Variants in PLA2G6 observed in about 807,000 individuals in gnomAD.
PLA2G6 encodes the protein phospholipase A2 group VI.
A neutral mutation model predicts 83.8 loss-of-function variants in PLA2G6; 62 were observed. The observed-to-expected ratio is 0.74, with a 90% CI of 0.60 to 0.91. The LOEUF is 0.91. Ranked by LOEUF, PLA2G6 falls within the 40% of genes least tolerant of loss-of-function variation. The pLI is 0.00. For synonymous variants in PLA2G6, 417 were observed against 449.8 expected, an observed-to-expected ratio of 0.93 and a Z score of 0.92; for missense variants, 944 against 1,102.0, an observed-to-expected ratio of 0.86 and a Z score of 2.03.
Position 38,163,576 on chromosome 22 carries a change from T to C in PLA2G6, c.209+5642A>G, listed in dbSNP as rs866826304. ...CAAGAGGGGCTGTGTCTTGGCCACA[T>C]GGGGGGTGCTGAGGCTCTGAGTGGG... On this transcript the variant is annotated intron_variant, in intron 2 of 16. Coordinates refer to ENST00000332509, the MANE Select transcript of PLA2G6 (RefSeq NM_003560.4). 1.2e-4 allele frequency: 21 copies of C among 169,448 alleles called. No homozygotes were observed. In the Middle Eastern group the frequency reaches 8.8e-3, roughly 71 times the overall value. The allele number at this position is 169,448 out of a possible 1,614,324, so 10.5% of individuals were successfully genotyped here.
chr22:38,166,024 G>A (rs371291783), intron 2 of PLA2G6, among the ~76,000 whole-genome samples: 13 of 152,226 alleles, frequency 8.5e-5, no homozygotes, highest in East Asian at 1.9e-4. Flanking sequence ...GGCCACAGCC[G>A]GAGCAGCAGG....
In PLA2G6 at chr22:38,126,369, A is replaced by G. The variant is rs1352483031; in HGVS notation, c.1427+2T>C. On this transcript the variant is annotated splice_donor_variant, in intron 10 of 16. Coordinates refer to ENST00000332509, the MANE Select transcript of PLA2G6 (RefSeq NM_003560.4). LOFTEE classifies it high-confidence loss of function. ...CTCTGCCCCCGATCTCGATCCACTT[A>G]CGTCCGCTTCTCGTCCCTCATGGAG... The G allele has an allele frequency of 6.2e-7, 1 of 1,611,342 alleles. No individual in the cohort carries two copies. Among genetic ancestry groups the G allele is most frequent in the African/African-American group, 1.3e-5 (1 of 74,962 alleles).
chr22:38,140,022 C>A lies in PLA2G6; in HGVS notation c.757G>T (p.Gly253Cys). 1 of 1,610,648 alleles carries A rather than the reference C, an allele frequency of 6.2e-7. No homozygotes were observed. Among genetic ancestry groups the A allele is most frequent in the East Asian group, 2.2e-5 (1 of 44,820 alleles). Residue 253 changes from glycine (G) to cysteine (C), a missense_variant, in exon 5 of 17, where the codon GGC becomes TGC. Physicochemically the swap from Gly to Cys is radical, Grantham distance 159. Transcript: ENST00000332509. ...TTCATGGCCGAGTGGATGGGGTAGC[C>A]GTTGGGGCCCATGATGTTGCACCGA... Reference protein sequence around the residue: ...NARCNIMGPNGYPIHSAMKFS... With the variant: ...NARCNIMGPNCYPIHSAMKFS...
At chr22:38,172,425 C>T (rs2090470373) in intron 1 of PLA2G6, among the ~76,000 whole-genome samples, 1 of 152,234 alleles carries the variant, frequency 6.6e-6, no homozygotes, top group Admixed American at 6.5e-5. Context: ...AAATATTATG[C>T]ATAGAAAAAA....
chr22:38,126,808 C>T (rs139066990), intron 9 of PLA2G6: 283 of 352,638 alleles, frequency 8.0e-4, no homozygotes, highest in African/African-American at 5.5e-3. Flanking sequence ...GCATCGGAGC[C>T]GATGCTGCAA....
At position 38,176,284 on chromosome 22, in the gene PLA2G6, G is replaced by A. The variant is rs529878673; in HGVS notation, c.-46+5380C>T. Among the ~76,000 whole-genome samples the A allele has an allele frequency of 3.9e-5, 6 of 152,254 alleles. 1 individual carries two copies. The highest frequency in any genetic ancestry group is 1.9e-4 in the East Asian group (1 of 5,164). On this transcript the variant is annotated intron_variant, in intron 1 of 16. Transcript: ENST00000332509. The stretch of plus-strand genomic sequence containing the variant: ...AGCCTTCTGCTTCCTTCTTGACTAA[G>A]CCGAGAGCAGAGGAGCCGGACAGCT...
chr22:38,144,768 A>G (rs1485876003), intron 3 of PLA2G6: 3 of 159,372 alleles, frequency 1.9e-5, no homozygotes, highest in Non-Finnish European at 2.7e-5. Flanking sequence ...AGATCGCGCC[A>G]CTGCACTCCA....
In PLA2G6 at chr22:38,132,880, G is replaced by A. The variant is rs1162944680; in HGVS notation, c.1028C>T (p.Ala343Val). ...GTTGCCGTGCTCTCCGCGGGCATCC[G>A]CGTTGGCCCCGTGGGTCAGCAGCAC... The part of the protein sequence containing the change: ...AIVLLTHGAN[A>V]DARGEHGNTP... Residue 343 changes from alanine (A) to valine (V), a missense_variant, in exon 7 of 17, where the codon GCG (alanine) becomes GTG (valine). Ala to Val is a moderately conservative substitution (Grantham distance 64, BLOSUM62 0). Transcript: ENST00000332509. The surrounding 1 kb of genome is among the most constrained non-coding windows in gnomAD (Gnocchi z 5.0). The A allele has an allele frequency of 1.2e-5, 19 of 1,553,866 alleles. No homozygotes were observed. The highest frequency in any genetic ancestry group is 1.2e-4 in the East Asian group (5 of 41,208).
chr22:38,142,606 T>G, intron 4 of PLA2G6: 2 of 215,316 alleles, frequency 9.3e-6, no homozygotes, highest in South Asian at 1.5e-4. Flanking sequence ...TAACAACAGC[T>G]GATCTAAAAA....
At position 38,112,308 on chromosome 22, in the gene PLA2G6, G is replaced by A; in HGVS notation, c.2277-3C>T. 2 of 1,613,234 alleles carry A rather than the reference G, an allele frequency of 1.2e-6. No homozygotes were observed. The highest frequency in any genetic ancestry group is 1.7e-6 in the Non-Finnish European group (2 of 1,179,792). On this transcript the variant is annotated splice_region_variant and splice_polypyrimidine_tract_variant and intron_variant, in intron 16 of 16. Coordinates refer to ENST00000332509, the MANE Select transcript of PLA2G6 (RefSeq NM_003560.4). ...CCGTCCCCAGCTGGGGGTTCAATCTGTTCGGGCCAGGGAGGAGGGGGTCAC... is the reference window on the plus strand; with the variant it reads ...CCGTCCCCAGCTGGGGGTTCAATCTATTCGGGCCAGGGAGGAGGGGGTCAC...
At chr22:38,134,184 G>A (rs1271448237) in intron 6 of PLA2G6, 1 of 152,594 alleles carries the variant, frequency 6.6e-6, no homozygotes, top group Non-Finnish European at 1.5e-5. Flanking sequence ...TTCAGCTCTG[G>A]GACTTGGACT....
chr22:38,175,384 C>CCCT (rs1314582190), intron 1 of PLA2G6, among the ~76,000 whole-genome samples: 12 of 152,260 alleles, frequency 7.9e-5, no homozygotes, highest in Admixed American at 4.6e-4. Context: ...GCCAGTGGCG[C>CCCT]CCCATGACCT....
chr22:38,181,313 T>C (rs2090838214), intron 1 of PLA2G6, among the ~76,000 whole-genome samples: 1 of 151,158 alleles, frequency 6.6e-6, no homozygotes, highest in East Asian at 1.9e-4. Context: ...GAGTGAGAAA[T>C]GAGTAGAGGC....
chr22:38,111,662 C>T lies in PLA2G6; in HGVS notation c.*499G>A, dbSNP rs536399823. On this transcript the variant is annotated 3_prime_UTR_variant, in exon 17 of 17. Coordinates refer to ENST00000332509, the MANE Select transcript of PLA2G6 (RefSeq NM_003560.4). ...AAGTCCAACGGGCATCCCACTCCTG[C>T]GGCCTGGGCTTTCCCAGCTGATGGG... The T allele has an allele frequency of 4.9e-6, 1 of 205,736 alleles. No individual in the cohort carries two copies. Among genetic ancestry groups the T allele is most frequent in the Admixed American group, 5.3e-5 (1 of 18,884 alleles). The allele number at this position is 205,736 out of a possible 1,614,324, so 12.7% of individuals were successfully genotyped here.
chr22:38,143,152 T>A lies in PLA2G6; in HGVS notation c.562A>T (p.Thr188Ser). The change falls in exon 4 of 17, where the codon ACC (threonine) becomes TCC (serine). Residue 188 changes from threonine to serine, a missense_variant. By Grantham distance (58) the Thr-to-Ser change is moderately conservative (BLOSUM62 1). Coordinates refer to ENST00000332509, the MANE Select transcript of PLA2G6 (RefSeq NM_003560.4). ...CCCTGGACAGCATAATGGAAGACGG[T>A]CTCTCCCTTGTAGTCGGTGACATCC... ...QMDVTDYKGE[T>S]VFHYAVQGDN... is the part of the protein sequence containing the mutation. 6.2e-7 allele frequency: 1 copy of A among 1,614,170 alleles called. No homozygotes were observed. Among genetic ancestry groups the A allele is most frequent in the Non-Finnish European group, 8.5e-7 (1 of 1,180,024 alleles).
intron 2 of PLA2G6, 150 bp downstream of exon 2, chr22:38,169,068 G>A: frequency 2.9e-6 from 2 of 697,678 alleles, no homozygotes; most frequent in Non-Finnish European, 5.2e-6. Context: ...CTTCCCTCTG[G>A]TCCAAGAGTA....
At chr22:38,148,648 A>G (rs539164208) in intron 2 of PLA2G6, 43 of 685,670 alleles carry the variant, frequency 6.3e-5, no homozygotes, top group Non-Finnish European at 1.0e-4. Context: ...GCCCTGATGA[A>G]CATCTCTTAC....
At chr22:38,124,595 G>A (rs532143133) in intron 10 of PLA2G6, among the ~76,000 whole-genome samples, 4 of 152,126 alleles carry the variant, frequency 2.6e-5, no homozygotes, top group African/African-American at 7.2e-5. Flanking sequence ...CTCACAGCCC[G>A]CCTGCTGCTC....
intron 11 of PLA2G6, among the ~76,000 whole-genome samples, chr22:38,122,690 C>T (rs2087591141): frequency 6.6e-6 from 1 of 152,222 alleles, no homozygotes; most frequent in African/African-American, 2.4e-5. Flanking sequence ...CATCCTGAGG[C>T]TCAGTGGCTC....
Sources: allele counts gnomAD v4.1 joint callset (sites outside exome capture counted in the v4.1 genomes callset), GRCh38; gene constraint gnomAD v4.1.1; non-coding constraint Gnocchi (gnomAD v3.1); transcripts MANE v1.5; gene names NCBI Gene and HGNC (gene_info 2026-07-23, HGNC 2026-07-21).